SHISA6: variants seen among roughly 807,000 people sequenced by gnomAD.
SHISA6 encodes the protein shisa family member 6.
Under a neutral mutation model 47.9 loss-of-function variants are expected in SHISA6, and 22 were observed. That is an observed-to-expected ratio of 0.46 (90% confidence interval 0.33 to 0.66). The LOEUF is 0.66. Among genes scored for constraint, SHISA6 ranks in the 30% least tolerant of loss-of-function variants. The probability of loss-of-function intolerance (pLI) is 0.02; values close to 1 mark genes in which losing one functional copy is unlikely to be tolerated. For missense variants in SHISA6, 680 were observed against 764.6 expected (o/e 0.89, Z 1.30); for synonymous variants, 388 against 337.8 (o/e 1.15, Z -1.63).
intron 2 of SHISA6, among the ~76,000 whole-genome samples, chr17:11,373,091 T>C (rs1218541461): frequency 6.6e-6 from 1 of 151,832 alleles, no homozygotes; most frequent in Non-Finnish European, 1.5e-5. Flanking sequence ...CTTAATGAAT[T>C]TGGGATTTGT....
intron 2 of SHISA6, among the ~76,000 whole-genome samples, chr17:11,296,615 C>A (rs564451279): frequency 6.6e-6 from 1 of 152,040 alleles, no homozygotes; most frequent in African/African-American, 2.4e-5. Context: ...CCTATAGAGC[C>A]CAGGAGCAGC....
At chr17:11,452,008 C>T (rs1468216040) in intron 3 of SHISA6, among the ~76,000 whole-genome samples, 1 of 152,250 alleles carries the variant, frequency 6.6e-6, no homozygotes, top group Non-Finnish European at 1.5e-5. Flanking sequence ...AGGTCCTGCT[C>T]ATCCACTGTG....
At chr17:11,532,165 G>C (rs1465988482) in intron 3 of SHISA6, among the ~76,000 whole-genome samples, 1 of 152,176 alleles carries the variant, frequency 6.6e-6, no homozygotes. Flanking sequence ...GTTGTCACTT[G>C]ACCAGCGCCA....
At chr17:11,466,790 A>G (rs550288011) in intron 3 of SHISA6, among the ~76,000 whole-genome samples, 4 of 152,162 alleles carry the variant, frequency 2.6e-5, no homozygotes, top group African/African-American at 4.8e-5. Context: ...TTCATTGGCA[A>G]TTGCCTCCCA....
rs145343037 is a variant in SHISA6 at position 11,388,043 on chromosome 17, C to T, written c.895+8534C>T. Among the ~76,000 whole-genome samples the T allele has an allele frequency of 2.0e-3, 306 of 152,230 alleles. 4 individuals are homozygous for T. Among genetic ancestry groups the T allele is most frequent in the African/African-American group, 6.1e-3 (253 of 41,540 alleles). ...GTATGTGTGGGCCTCTGTAAAGTCA[C>T]AGGCTGCCACCCCCACACCAGGATT... On this transcript the variant is annotated intron_variant, in intron 3 of 5. Transcript: ENST00000441885.
chr17:11,371,859 A>T (rs2142238411), intron 2 of SHISA6, among the ~76,000 whole-genome samples: 1 of 152,272 alleles, frequency 6.6e-6, no homozygotes, highest in South Asian at 2.1e-4. Context: ...AATCAAAGGC[A>T]AATGCCTCCC....
At position 11,298,048 on chromosome 17, in the gene SHISA6, G is replaced by A. The variant is rs150100872; in HGVS notation, c.799+34522G>A. ...CATCATAATTGTTTCTAGTTATGGT[G>A]TGCTTATGTTATGCCAATCTCTGCT... On this transcript the variant is annotated intron_variant, in intron 2 of 5. Transcript: ENST00000441885. 1.2e-4 allele frequency among the ~76,000 whole-genome samples: 18 copies of A among 152,312 alleles called. No homozygotes were observed. In the East Asian group the frequency reaches 3.3e-3, roughly 28 times the overall value.
At chr17:11,550,417 T>C (rs1188465581) in intron 3 of SHISA6, among the ~76,000 whole-genome samples, 2 of 152,090 alleles carry the variant, frequency 1.3e-5, no homozygotes, top group East Asian at 3.9e-4. Flanking sequence ...ATTCCATTGG[T>C]TTGGGAAATT....
At chr17:11,514,827 A>G (rs998375280) in intron 3 of SHISA6, among the ~76,000 whole-genome samples, 5 of 152,210 alleles carry the variant, frequency 3.3e-5, no homozygotes, top group Non-Finnish European at 7.4e-5. Context: ...CACATGTCCT[A>G]TTGTATAGCA....
chr17:11,322,358 T>G (rs1910743770), intron 2 of SHISA6, among the ~76,000 whole-genome samples: 1 of 152,210 alleles, frequency 6.6e-6, no homozygotes, highest in Admixed American at 6.5e-5. Flanking sequence ...TTGGCTCTAT[T>G]TCCATTTAGT....
At chr17:11,476,533 C>T (rs1916055900) in intron 3 of SHISA6, among the ~76,000 whole-genome samples, 1 of 151,734 alleles carries the variant, frequency 6.6e-6, no homozygotes, top group African/African-American at 2.4e-5. Flanking sequence ...TTGTTTGACT[C>T]CTGTTATTTA....
chr17:11,475,766 T>C (rs541815903), intron 3 of SHISA6, among the ~76,000 whole-genome samples: 21 of 152,050 alleles, frequency 1.4e-4, no homozygotes, highest in African/African-American at 5.1e-4. Flanking sequence ...TGTCTTTGGT[T>C]TATGTGTTTT....
intron 3 of SHISA6, among the ~76,000 whole-genome samples, chr17:11,520,276 A>AT (rs2142362307): frequency 6.6e-6 from 1 of 152,068 alleles, no homozygotes; most frequent in Admixed American, 6.5e-5. Context: ...CGCCCAACAA[A>AT]TTTTTCCCCA....
chr17:11,392,342 T>C (rs1457901549), intron 3 of SHISA6, among the ~76,000 whole-genome samples: 1 of 152,140 alleles, frequency 6.6e-6, no homozygotes, highest in Non-Finnish European at 1.5e-5. Flanking sequence ...TGACTCTCAG[T>C]GCGGCAGTGT....
At chr17:11,480,160 A>G (rs2142329645) in intron 3 of SHISA6, among the ~76,000 whole-genome samples, 1 of 152,206 alleles carries the variant, frequency 6.6e-6, no homozygotes, top group South Asian at 2.1e-4. Flanking sequence ...TGTGATTCTT[A>G]CCTTTGTTCC....
In SHISA6 at chr17:11,412,690, G is replaced by T. The variant is rs146007291; in HGVS notation, c.895+33181G>T. On this transcript the variant is annotated intron_variant, in intron 3 of 5. Coordinates refer to ENST00000441885, the MANE Select transcript of SHISA6 (RefSeq NM_207386.4). The stretch of plus-strand genomic sequence containing the variant: ...CCAAGTAGCTGGGACTACAGGCACC[G>T]GCCACCGTGCCGGGCTAATTTTTTG... 6.8e-3 allele frequency among the ~76,000 whole-genome samples: 1,030 copies of T among 152,020 alleles called. 18 individuals are homozygous for T. The highest frequency in any genetic ancestry group is 0.023 in the African/African-American group (970 of 41,478).
At chr17:11,277,232 G>A (rs1339160472) in intron 2 of SHISA6, among the ~76,000 whole-genome samples, 5 of 80,566 alleles carry the variant, frequency 6.2e-5, no homozygotes, top group South Asian at 4.5e-4. Flanking sequence ...CCCCATCCCC[G>A]GTTTCTCTTT....
At chr17:11,492,430 G>C (rs1272428554) in intron 3 of SHISA6, among the ~76,000 whole-genome samples, 1 of 152,126 alleles carries the variant, frequency 6.6e-6, no homozygotes, top group Non-Finnish European at 1.5e-5. Flanking sequence ...ACTGACTTGA[G>C]TTTAAGTCTC....
At chr17:11,345,846 A>G (rs909690055) in intron 2 of SHISA6, among the ~76,000 whole-genome samples, 2 of 152,088 alleles carry the variant, frequency 1.3e-5, no homozygotes, top group African/African-American at 2.4e-5. Context: ...TACTAGTTCT[A>G]GTAGGTTCTT....
Sources: gnomAD v4.1 joint callset for allele counts (sites outside exome capture counted in the v4.1 genomes callset) on GRCh38, gnomAD v4.1.1 for gene constraint, MANE v1.5 for transcripts, NCBI Gene and HGNC (gene_info 2026-07-23, HGNC 2026-07-21) for gene names.